The following AKAP6 variants were observed in gnomAD, a reference collection of about 807,000 sequenced individuals.
The protein encoded by AKAP6 is A-kinase anchor protein 6.
A neutral mutation model predicts 188.5 loss-of-function variants in AKAP6; 58 were observed. That is an observed-to-expected ratio of 0.31 (90% CI 0.25 to 0.38). AKAP6 has a LOEUF of 0.38. AKAP6 is among the 10% of genes least tolerant of loss of function. AKAP6 has a pLI of 1.00. For missense variants in AKAP6, 2,710 were observed against 2,740.0 expected, an observed-to-expected ratio of 0.99 and a Z score of 0.24; for synonymous variants, 989 against 998.6, an observed-to-expected ratio of 0.99 and a Z score of 0.18.
At chr14:32,401,389 G>A (rs566863859) in intron 1 of AKAP6, among the ~76,000 whole-genome samples, 5 of 152,286 alleles carry the variant, frequency 3.3e-5, no homozygotes, top group Admixed American at 6.5e-5. Context: ...ACAGAGTGCC[G>A]AAGCAAGTTC....
intron 7 of AKAP6, among the ~76,000 whole-genome samples, chr14:32,607,810 G>T (rs73259179): frequency 0.014 from 2,175 of 152,226 alleles, 47 homozygotes; most frequent in African/African-American, 0.047. Flanking sequence ...GCCAGTATCC[G>T]ATCTGGTTCC....
chr14:32,674,196 A>G (rs924806815), intron 7 of AKAP6, among the ~76,000 whole-genome samples: 5 of 152,180 alleles, frequency 3.3e-5, no homozygotes, highest in East Asian at 1.9e-4. Flanking sequence ...TGACAGGGGC[A>G]TGGTGATCAA....
chr14:32,675,344 G>T (rs75392535), intron 7 of AKAP6, among the ~76,000 whole-genome samples: 1 of 152,036 alleles, frequency 6.6e-6, no homozygotes, highest in African/African-American at 2.4e-5. Context: ...TATTTTGATG[G>T]TGCATCTTAA....
intron 7 of AKAP6, among the ~76,000 whole-genome samples, chr14:32,652,718 T>C (rs1185121275): frequency 6.6e-6 from 1 of 152,192 alleles, no homozygotes; most frequent in African/African-American, 2.4e-5. Flanking sequence ...CCTGAGTTGC[T>C]ATTTTCTTCC....
intron 2 of AKAP6, chr14:32,473,708 GGTAGGTAACTGCC>G (rs1401351720): frequency 2.6e-5 from 4 of 152,202 alleles, no homozygotes; most frequent in African/African-American, 9.7e-5. Context: ...TGCTTTAGAT[GGTAGGTAACTGCC>G]TGGTCTTGTT....
At chr14:32,812,087 G>T (rs777373579) in intron 12 of AKAP6, among the ~76,000 whole-genome samples, 3 of 152,012 alleles carry the variant, frequency 2.0e-5, no homozygotes, top group Non-Finnish European at 2.9e-5. Flanking sequence ...TACATCCAGG[G>T]GTATAAAACT....
chr14:32,613,748 A>G (rs1886444364), intron 7 of AKAP6, among the ~76,000 whole-genome samples: 1 of 151,988 alleles, frequency 6.6e-6, no homozygotes, highest in Non-Finnish European at 1.5e-5. Context: ...CTTCACACTG[A>G]CCACTTTTTT....
At chr14:32,703,591 G>A (rs533479905) in intron 9 of AKAP6, among the ~76,000 whole-genome samples, 26 of 152,078 alleles carry the variant, frequency 1.7e-4, no homozygotes, top group Non-Finnish European at 3.4e-4. Flanking sequence ...TAATTCTGCT[G>A]GACCCTACCT....
chr14:32,330,713 A>ATTTTTTT (rs35147196), intron 1 of AKAP6, among the ~76,000 whole-genome samples: 8 of 62,406 alleles, frequency 1.3e-4, no homozygotes, highest in Admixed American at 2.0e-4. Context: ...GCTTGGAGTG[A>ATTTTTTT]TTTTTTTTTT....
chr14:32,440,330 TG>T (rs1357612459), intron 2 of AKAP6, among the ~76,000 whole-genome samples: 64 of 79,990 alleles, frequency 8.0e-4, no homozygotes, highest in African/African-American at 3.1e-3. Flanking sequence ...GGGCCTGTCA[TG>T]GGGTGGGGGG....
chr14:32,449,352 A>G (rs944871569), intron 2 of AKAP6, among the ~76,000 whole-genome samples: 1 of 151,950 alleles, frequency 6.6e-6, no homozygotes, highest in African/African-American at 2.4e-5. Flanking sequence ...TTCTAAAAAT[A>G]CAAAACAAAC....
chr14:32,707,658 T>C (rs1050389644), intron 9 of AKAP6, among the ~76,000 whole-genome samples: 1 of 152,100 alleles, frequency 6.6e-6, no homozygotes, highest in Non-Finnish European at 1.5e-5. Flanking sequence ...TCAATAAATA[T>C]ATGTTGAAAC....
chr14:32,754,153 C>T (rs2032246333), intron 11 of AKAP6, among the ~76,000 whole-genome samples: 1 of 151,904 alleles, frequency 6.6e-6, no homozygotes, highest in Non-Finnish European at 1.5e-5. Context: ...TCGTTTCTGT[C>T]AATATTTGCT....
chr14:32,510,436 G>C (rs12893340), intron 2 of AKAP6, among the ~76,000 whole-genome samples: 1 of 30,258 alleles, frequency 3.3e-5, no homozygotes, highest in African/African-American at 1.4e-4. Context: ...ATATATATAT[G>C]TGTATATATA....
chr14:32,794,718 G>A (rs2033712003), intron 12 of AKAP6, among the ~76,000 whole-genome samples: 1 of 152,100 alleles, frequency 6.6e-6, no homozygotes, highest in Admixed American at 6.6e-5. Flanking sequence ...TAACAACCTA[G>A]CATCTCAACT....
At chr14:32,711,216 G>A (rs767113636) in intron 9 of AKAP6, among the ~76,000 whole-genome samples, 87 of 152,094 alleles carry the variant, frequency 5.7e-4, no homozygotes, top group Middle Eastern at 3.4e-3. Flanking sequence ...CCCAAACTCT[G>A]TTTTGCTTGC....
chr14:32,653,456 C>T (rs1464311368), intron 7 of AKAP6, among the ~76,000 whole-genome samples: 2 of 152,050 alleles, frequency 1.3e-5, no homozygotes, highest in African/African-American at 4.8e-5. Flanking sequence ...CACCTCCCCT[C>T]CCCTCACTCT....
chr14:32,408,989 C>T (rs1192657322), intron 1 of AKAP6, among the ~76,000 whole-genome samples: 2 of 152,110 alleles, frequency 1.3e-5, no homozygotes, highest in East Asian at 3.9e-4. Flanking sequence ...CACCTGAGGT[C>T]AGGAGTTTGA....
intron 2 of AKAP6, among the ~76,000 whole-genome samples, chr14:32,492,954 T>C (rs1880114031): frequency 6.6e-6 from 1 of 152,222 alleles, no homozygotes; most frequent in African/African-American, 2.4e-5. Flanking sequence ...TTAATCTACA[T>C]TGTGAATTTG....
Sources: allele counts gnomAD v4.1 joint callset (sites outside exome capture counted in the v4.1 genomes callset), GRCh38; gene constraint gnomAD v4.1.1; transcripts MANE v1.5; gene names NCBI Gene and HGNC (gene_info 2026-07-23, HGNC 2026-07-21).